Variants in COMMD1 observed in about 807,000 individuals in gnomAD.
COMMD1 encodes copper metabolism domain containing 1, also known as COMM domain-containing protein 1.
COMMD1 carries 10 observed loss-of-function variants against 17.2 expected under a neutral mutation model. The ratio of observed to expected loss-of-function variants is 0.58; its 90% confidence interval spans 0.36 to 0.99. COMMD1 has a LOEUF of 0.99. Ranked by LOEUF, COMMD1 falls within the 50% of genes least tolerant of loss-of-function variation. The probability of loss-of-function intolerance (pLI) is 0.01; values close to 1 mark genes in which losing one functional copy is unlikely to be tolerated. For synonymous variants in COMMD1, 97 were observed against 91.6 expected, an observed-to-expected ratio of 1.06 and a Z score of -0.34; for missense variants, 270 against 231.8, an observed-to-expected ratio of 1.17 and a Z score of -1.07.
At chr2:62,026,220 G>T (rs1669752524) in intron 2 of COMMD1, among the ~76,000 whole-genome samples, 1 of 152,130 alleles carries the variant, frequency 6.6e-6, no homozygotes, top group Non-Finnish European at 1.5e-5. Flanking sequence ...ACTTTATAAA[G>T]AAAAGCAGTT....
intron 2 of COMMD1, among the ~76,000 whole-genome samples, chr2:62,086,679 T>G (rs1671679256): frequency 6.6e-6 from 1 of 152,210 alleles, no homozygotes; most frequent in East Asian, 1.9e-4. Context: ...ATTTATAACC[T>G]AAATGTCCTC....
At chr2:61,934,056 C>T (rs1481745217) in intron 1 of COMMD1, among the ~76,000 whole-genome samples, 12 of 152,268 alleles carry the variant, frequency 7.9e-5, no homozygotes, top group South Asian at 4.1e-4. Context: ...TGAGCCACTA[C>T]GCCCGGCCTT....
At chr2:62,021,549 T>C (rs1356414199) in intron 2 of COMMD1, among the ~76,000 whole-genome samples, 4 of 152,166 alleles carry the variant, frequency 2.6e-5, no homozygotes, top group Admixed American at 6.5e-5. Flanking sequence ...CAGAGAAGTA[T>C]TGACAGTGGC....
At chr2:62,116,852 G>C (rs192392920) in intron 2 of COMMD1, among the ~76,000 whole-genome samples, 2 of 151,088 alleles carry the variant, frequency 1.3e-5, no homozygotes, top group Non-Finnish European at 2.9e-5. Context: ...AAAACTAGCC[G>C]AGCATGGTGG....
At chr2:62,091,822 T>C (rs1671837392) in intron 2 of COMMD1, among the ~76,000 whole-genome samples, 1 of 152,178 alleles carries the variant, frequency 6.6e-6, no homozygotes, top group African/African-American at 2.4e-5. Context: ...CCAATATCTA[T>C]TGTTATGCAG....
At chr2:61,968,474 T>A (rs1241794342) in intron 1 of COMMD1, among the ~76,000 whole-genome samples, 1 of 152,170 alleles carries the variant, frequency 6.6e-6, no homozygotes, top group African/African-American at 2.4e-5. Context: ...TTTCACAAAT[T>A]TACTGAAGGT....
intron 1 of COMMD1, among the ~76,000 whole-genome samples, chr2:61,993,915 G>A (rs1461793904): frequency 6.6e-6 from 1 of 152,146 alleles, no homozygotes; most frequent in Admixed American, 6.5e-5. Flanking sequence ...GAAGCAAGGT[G>A]TCAGTGGAAA....
intron 2 of COMMD1, among the ~76,000 whole-genome samples, chr2:62,120,895 G>GTTTTTGTTTTTGTTTTTC (rs1418625953): frequency 6.6e-6 from 1 of 151,804 alleles, no homozygotes; most frequent in Non-Finnish European, 1.5e-5. Flanking sequence ...GCTAATTTTT[G>GTTTTTGTTTTTGTTTTTC]TTTTTGTTTT....
At chr2:62,024,760 T>G (rs988955940) in intron 2 of COMMD1, among the ~76,000 whole-genome samples, 10 of 152,218 alleles carry the variant, frequency 6.6e-5, no homozygotes, top group African/African-American at 2.4e-5. Flanking sequence ...CTATACAAAT[T>G]TATCTGATGC....
chr2:62,105,949 A>G (rs1340377421), intron 2 of COMMD1, among the ~76,000 whole-genome samples: 1 of 152,176 alleles, frequency 6.6e-6, no homozygotes, highest in African/African-American at 2.4e-5. Context: ...TATCCAAACT[A>G]TGTCAGGGAT....
chr2:61,905,566 C>A, upstream of COMMD1: 2 of 1,092,490 alleles, frequency 1.8e-6, no homozygotes, highest in Non-Finnish European at 2.5e-6. Flanking sequence ...GGAAGCCTTG[C>A]CTCCAGGTTC....
intron 2 of COMMD1, among the ~76,000 whole-genome samples, chr2:62,078,552 C>CAG (rs1558589515): frequency 1.2e-5 from 1 of 86,894 alleles, no homozygotes; most frequent in East Asian, 3.7e-4. Flanking sequence ...GACTCCGTCT[C>CAG]AAAAAAAAAA....
In COMMD1 at chr2:61,950,725, A is replaced by G. The variant is rs536052596; in HGVS notation, c.180+44867A>G. Among the ~76,000 whole-genome samples the G allele has an allele frequency of 6.6e-5, 10 of 152,330 alleles. No individual in the cohort carries two copies. The South Asian group carries it at 2.1e-3, about 32-fold the overall frequency. ...CTGTGACACTGAAATAATTGACCTG[A>G]TAACTGAGAAGGCTACTAAGTGACC... is the stretch of plus-strand genomic sequence containing the variant. On this transcript the variant is annotated intron_variant, in intron 1 of 2. Transcript: ENST00000311832.
intron 1 of COMMD1, among the ~76,000 whole-genome samples, chr2:61,988,400 C>G (rs563447636): frequency 9.2e-5 from 14 of 152,132 alleles, no homozygotes; most frequent in Non-Finnish European, 1.6e-4. Flanking sequence ...GCAGTGGATC[C>G]TTCCCTTCAT....
intron 2 of COMMD1, among the ~76,000 whole-genome samples, chr2:62,102,122 A>G (rs939458831): frequency 1.3e-4 from 20 of 152,216 alleles, no homozygotes; most frequent in African/African-American, 4.1e-4. Context: ...GCTGTGTGTG[A>G]GAAACCATAA....
chr2:62,016,206 C>CTTTTTTTTTTTTTTTTTTTTTTT (rs769583167), intron 2 of COMMD1, among the ~76,000 whole-genome samples: 2 of 112,260 alleles, frequency 1.8e-5, no homozygotes, highest in Non-Finnish European at 3.7e-5. Context: ...CTTTTCTTTT[C>CTTTTTTTTTTTTTTTTTTTTTTT]TTTTTTTTTT....
chr2:62,072,510 C>T (rs761327629), intron 2 of COMMD1, among the ~76,000 whole-genome samples: 17 of 152,208 alleles, frequency 1.1e-4, no homozygotes, highest in Non-Finnish European at 2.2e-4. Flanking sequence ...CTTGCTAACC[C>T]TCCGGTTGTC....
At chr2:62,096,510 CTG>C (rs1357847102) in intron 2 of COMMD1, among the ~76,000 whole-genome samples, 1 of 152,154 alleles carries the variant, frequency 6.6e-6, no homozygotes, top group Admixed American at 6.6e-5. Flanking sequence ...TTTAGATCTT[CTG>C]TGTGTTGTTT....
chr2:61,932,241 TA>T (rs771321957), intron 1 of COMMD1, among the ~76,000 whole-genome samples: 4 of 152,236 alleles, frequency 2.6e-5, no homozygotes, highest in Non-Finnish European at 5.9e-5. Flanking sequence ...ATAAAATGTA[TA>T]CAAAAGGCAC....
Sources: allele counts gnomAD v4.1 joint callset (sites outside exome capture counted in the v4.1 genomes callset), GRCh38; gene constraint gnomAD v4.1.1; transcripts MANE v1.5; gene names NCBI Gene and HGNC (gene_info 2026-07-23, HGNC 2026-07-21).